Variants in C11orf65 observed in about 807,000 individuals in gnomAD.
C11orf65 encodes chromosome 11 open reading frame 65.
Under a neutral mutation model 35.3 loss-of-function variants are expected in C11orf65, and 38 were observed. That is an observed-to-expected ratio of 1.08 (90% CI 0.83 to 1.41). C11orf65 has a LOEUF of 1.41. C11orf65 is among the 40% of genes most tolerant of loss of function. The pLI is 0.00. For missense variants in C11orf65, 370 were observed against 367.1 expected, an observed-to-expected ratio of 1.01 and a Z score of -0.06; for synonymous variants, 105 against 114.4, an observed-to-expected ratio of 0.92 and a Z score of 0.53.
chr11:108,465,696 A>T (rs1323900049), intron 1 of C11orf65, among the ~76,000 whole-genome samples: 3 of 151,980 alleles, frequency 2.0e-5, no homozygotes, highest in African/African-American at 7.2e-5. Context: ...TTTTTTTAAA[A>T]AAAAAAGGCT....
chr11:108,433,992 G>T (rs1021549998), intron 2 of C11orf65, among the ~76,000 whole-genome samples: 24 of 152,194 alleles, frequency 1.6e-4, no homozygotes, highest in African/African-American at 5.8e-4. Context: ...GTGACAAGTG[G>T]TCTGGGGAAG....
intron 2 of C11orf65, among the ~76,000 whole-genome samples, chr11:108,455,332 T>C (rs751386391): frequency 6.6e-6 from 1 of 152,178 alleles, no homozygotes; most frequent in East Asian, 1.9e-4. Context: ...CATGATCTTA[T>C]ATACAGAAGA....
chr11:108,425,998 C>T (rs914243010), intron 3 of C11orf65, among the ~76,000 whole-genome samples: 2 of 152,114 alleles, frequency 1.3e-5, no homozygotes, highest in Non-Finnish European at 2.9e-5. Context: ...GAACGTATCT[C>T]AAAATAATAA....
intron 3 of C11orf65, among the ~76,000 whole-genome samples, chr11:108,424,086 G>A (rs973499377): frequency 6.6e-6 from 1 of 152,188 alleles, no homozygotes; most frequent in African/African-American, 2.4e-5. Flanking sequence ...GTAGGCTTTA[G>A]AAGGTGGATA....
At chr11:108,367,757 T>C (rs916775995) in intron 2 of C11orf65, 1 of 216,766 alleles carries the variant, frequency 4.6e-6, no homozygotes, top group Non-Finnish European at 9.3e-6. Context: ...TTTTGGACTA[T>C]AAATTTCTTG....
downstream of C11orf65, among the ~76,000 whole-genome samples, chr11:108,379,838 T>C (rs1287282927): frequency 6.6e-6 from 1 of 152,102 alleles, no homozygotes; most frequent in African/African-American, 2.4e-5. Context: ...ATAAATGTTA[T>C]ATGGAATGTC....
intron 5 of C11orf65, 102 bp from the exon 6 acceptor site, chr11:108,405,661 A>C: frequency 8.7e-7 from 1 of 1,145,764 alleles, no homozygotes; most frequent in Non-Finnish European, 1.3e-6. Flanking sequence ...GAATATGGCA[A>C]GATAGAAACA....
intron 7 of C11orf65, among the ~76,000 whole-genome samples, chr11:108,387,224 G>A (rs1292604792): frequency 5.7e-5 from 7 of 122,906 alleles, no homozygotes; most frequent in Admixed American, 1.2e-4. Flanking sequence ...GCACGATCTC[G>A]GCTCACTGCA....
At chr11:108,334,819 C>T (rs2086653525) in intron 3 of C11orf65, 1 of 875,850 alleles carries the variant, frequency 1.1e-6, no homozygotes, top group African/African-American at 1.7e-5. Context: ...CGTGAGCCAC[C>T]ACACCCGGCC....
chr11:108,347,170 AAAC>A, intron 2 of C11orf65: 2 of 890,366 alleles, frequency 2.2e-6, no homozygotes, highest in East Asian at 5.0e-5. Context: ...TAAAAATCCT[AAAC>A]TACTTAAAGA....
intron 3 of C11orf65, among the ~76,000 whole-genome samples, chr11:108,431,473 C>T (rs1378688027): frequency 1.3e-5 from 2 of 152,044 alleles, no homozygotes; most frequent in African/African-American, 4.8e-5. Flanking sequence ...ATAGTGGTTA[C>T]CTTTTGGAAG....
intron 3 of C11orf65, among the ~76,000 whole-genome samples, chr11:108,408,092 T>C (rs1026732786): frequency 2.0e-5 from 3 of 151,060 alleles, no homozygotes; most frequent in Non-Finnish European, 4.4e-5. Context: ...TACATAGGTA[T>C]ACATGTGCCA....
chr11:108,329,336 G>C, downstream of C11orf65: 1 of 1,107,784 alleles, frequency 9.0e-7, no homozygotes. Flanking sequence ...ATCTGATATA[G>C]TTTTGAGCTC....
At position 108,422,647 on chromosome 11, in the gene C11orf65, G is replaced by A. The variant is rs145286243; in HGVS notation, c.174+9099C>T. On this transcript the variant is annotated intron_variant, in intron 3 of 8. Transcript: ENST00000393084. ...ACCTGTAATCCCAGCACTTTGGGAG[G>A]CCAAGGTGGGCGGATCACGAGGTCA... 7.8e-4 allele frequency among the ~76,000 whole-genome samples: 119 copies of A among 152,280 alleles called. 1 individual carries two copies. The highest frequency in any genetic ancestry group is 2.6e-3 in the African/African-American group (107 of 41,560).
At chr11:108,327,966 A>G (rs2085851986), downstream of C11orf65, among the ~76,000 whole-genome samples, 1 of 152,188 alleles carries the variant, frequency 6.6e-6, no homozygotes, top group Non-Finnish European at 1.5e-5. Context: ...GCCCAAGTAT[A>G]GTATCTCTTC....
At chr11:108,361,286 G>C (rs7124519) in intron 2 of C11orf65, among the ~76,000 whole-genome samples, 24 of 120,504 alleles carry the variant, frequency 2.0e-4, no homozygotes, top group African/African-American at 6.5e-4. Context: ...CACTGCTCAA[G>C]GAAATAAAAG....
intron 6 of C11orf65, among the ~76,000 whole-genome samples, chr11:108,405,129 G>A (rs1249353416): frequency 1.3e-5 from 2 of 152,204 alleles, no homozygotes; most frequent in Non-Finnish European, 2.9e-5. Flanking sequence ...AGCCTCTAAT[G>A]GCGTTCACTC....
At chr11:108,347,386 ATC>A (rs757454625) in intron 2 of C11orf65, 1 of 1,528,364 alleles carries the variant, frequency 6.5e-7, no homozygotes, top group South Asian at 1.1e-5. Context: ...AAATCTATGT[ATC>A]TATTCTTTTT....
At chr11:108,465,124 A>G (rs2093519299) in intron 1 of C11orf65, among the ~76,000 whole-genome samples, 2 of 152,208 alleles carry the variant, frequency 1.3e-5, no homozygotes, top group Non-Finnish European at 1.5e-5. Flanking sequence ...TCACAATTTC[A>G]TCATTTTCCC....
Sources: gnomAD v4.1 joint callset for allele counts (sites outside exome capture counted in the v4.1 genomes callset) on GRCh38, gnomAD v4.1.1 for gene constraint, MANE v1.5 for transcripts, NCBI Gene and HGNC (gene_info 2026-07-23, HGNC 2026-07-21) for gene names.